Variants in PCDHGA6 observed in about 807,000 individuals in gnomAD.
PCDHGA6 encodes protocadherin gamma subfamily A, 6.
PCDHGA6 carries 41 observed loss-of-function variants against 60.6 expected under a neutral mutation model. The observed-to-expected ratio is 0.68, with a 90% CI of 0.53 to 0.88. The LOEUF is 0.88. PCDHGA6 is among the 40% of genes least tolerant of loss of function. The probability of loss-of-function intolerance (pLI) is 0.00; values close to 1 mark genes in which losing one functional copy is unlikely to be tolerated. For synonymous variants in PCDHGA6, 594 were observed against 524.4 expected, an observed-to-expected ratio of 1.13 and a Z score of -1.81; for missense variants, 1,312 against 1,203.0, an observed-to-expected ratio of 1.09 and a Z score of -1.34.
intron 1 of PCDHGA6, chr5:141,387,672 C>T (rs1222648666): frequency 5.7e-6 from 4 of 707,372 alleles, no homozygotes; most frequent in Non-Finnish European, 9.1e-6. Flanking sequence ...CTCCAGATCT[C>T]CTCGCGCAGC....
Position 141,491,889 on chromosome 5 carries a change from C to T in PCDHGA6, c.2425-2918C>T, listed in dbSNP as rs2099734763. On this transcript the variant is annotated intron_variant, in intron 1 of 3. Transcript: ENST00000517434. The surrounding 1 kb of genome is among the most constrained non-coding windows in gnomAD (Gnocchi z 6.9). ...GAGTGGCCGATTAAGGGATGGGGCT[C>T]CGAGCACCGGGGGTGGTGGCGACTG... 11 of 1,441,360 alleles carry T rather than the reference C, an allele frequency of 7.6e-6. No individual in the cohort carries two copies. Among genetic ancestry groups the T allele is most frequent in the Non-Finnish European group, 1.0e-5 (11 of 1,090,600 alleles). 89.3% of individuals were successfully genotyped at this position (1,441,360 alleles called of 1,614,324 possible).
intron 1 of PCDHGA6, among the ~76,000 whole-genome samples, chr5:141,466,916 GT>G (rs1204028461): frequency 6.6e-6 from 1 of 152,010 alleles, no homozygotes; most frequent in Non-Finnish European, 1.5e-5. Context: ...AAAACTCCTT[GT>G]ATTAGGAATA....
intron 1 of PCDHGA6, chr5:141,395,116 T>C (rs1255512461): frequency 1.9e-6 from 3 of 1,614,216 alleles, no homozygotes; most frequent in Admixed American, 3.3e-5. Context: ...AAGAGTCACC[T>C]GATCTTTCCC....
chr5:141,394,312 C>G (rs903124736), intron 1 of PCDHGA6: 3 of 1,613,908 alleles, frequency 1.9e-6, no homozygotes, highest in African/African-American at 1.3e-5. Context: ...CAGGGGGCGC[C>G]CCTGTCCTCG....
chr5:141,501,897 C>T (rs796164763), intron 2 of PCDHGA6, among the ~76,000 whole-genome samples: 17 of 152,230 alleles, frequency 1.1e-4, no homozygotes, highest in African/African-American at 3.4e-4. Flanking sequence ...ATCATGGTTC[C>T]AACCCCACTG....
In PCDHGA6 at chr5:141,487,186, A is replaced by G; in HGVS notation, c.2425-7621A>G. 4 of 1,613,760 alleles carry G rather than the reference A, an allele frequency of 2.5e-6. No individual in the cohort carries two copies. The highest frequency in any genetic ancestry group is 2.5e-6 in the Non-Finnish European group (3 of 1,179,662). ...TGTCCTTAGAGGAAGACACTCATCC[A>G]GTTGTCCCAGATCTTCGAGAATCTT... is the stretch of plus-strand genomic sequence containing the variant. On this transcript the variant is annotated intron_variant, in intron 1 of 3. Coordinates refer to ENST00000517434, the MANE Select transcript of PCDHGA6 (RefSeq NM_018919.3). This position sits in a 1 kb window ranked among gnomAD's most constrained non-coding sequence, Gnocchi z 5.0.
Position 141,376,288 on chromosome 5 carries a change from G to A in PCDHGA6, c.2205G>A (p.Met735Ile), listed in dbSNP as rs753554580. Reference sequence around the variant, plus strand: ...CTTCGGGAGGTGGCTTAGCGAGCATGCCCGGCTCGCACTTTGTGGGCGTGG... The same window carrying A: ...CTTCGGGAGGTGGCTTAGCGAGCATACCCGGCTCGCACTTTGTGGGCGTGG... ...LQASGGGLASMPGSHFVGVEG... is the reference protein window; with the variant it reads ...LQASGGGLASIPGSHFVGVEG... The change falls in exon 1 of 4, where the codon ATG (methionine) becomes ATA (isoleucine). Residue 735 changes from methionine (M) to isoleucine (I), a missense_variant. Met to Ile is a conservative substitution (Grantham distance 10). Transcript: ENST00000517434. The A allele has an allele frequency of 2.5e-6, 4 of 1,614,216 alleles. No individual in the cohort carries two copies. Among genetic ancestry groups the A allele is most frequent in the South Asian group, 2.2e-5 (2 of 91,086 alleles).
chr5:141,487,029 T>C lies in PCDHGA6; in HGVS notation c.2425-7778T>C. 1.2e-6 allele frequency: 2 copies of C among 1,614,226 alleles called. No individual in the cohort carries two copies. Among genetic ancestry groups the C allele is most frequent in the Non-Finnish European group, 1.7e-6 (2 of 1,180,040 alleles). ...CTGGAGGCCCCAGATCCCAGCCTGT[T>C]TGCAGTCTCTCGATATGCTGGGGAG... is the stretch of plus-strand genomic sequence containing the variant. On this transcript the variant is annotated intron_variant, in intron 1 of 3. Coordinates refer to ENST00000517434, the MANE Select transcript of PCDHGA6 (RefSeq NM_018919.3). The surrounding 1 kb of genome is among the most constrained non-coding windows in gnomAD (Gnocchi z 5.0).
intron 1 of PCDHGA6, chr5:141,388,548 C>A: frequency 6.2e-7 from 1 of 1,613,842 alleles, no homozygotes; most frequent in Non-Finnish European, 8.5e-7. Flanking sequence ...AGCTCCACCC[C>A]TAAGCAGCAC....
chr5:141,374,563 T>G lies in PCDHGA6; in HGVS notation c.480T>G (p.Pro160=). The change falls in exon 1 of 4, where the codon CCT becomes CCG. Residue 160 remains proline (P), a synonymous_variant. Transcript: ENST00000517434. ...SRFPLMEVYD[P]DVGMNSLQGF... ...TTCCACTAATGGAGGTCTATGACCC[T>G]GATGTGGGAATGAACTCCCTTCAGG... 1 of 1,613,710 alleles carries G rather than the reference T, an allele frequency of 6.2e-7. No homozygotes were observed. The highest frequency in any genetic ancestry group is 1.1e-5 in the South Asian group (1 of 91,086).
At chr5:141,394,754 G>T (rs753264235) in intron 1 of PCDHGA6, 2 of 1,613,428 alleles carry the variant, frequency 1.2e-6, no homozygotes, top group Non-Finnish European at 1.7e-6. Context: ...TGGCCGTCCA[G>T]GACCATGGCC....
chr5:141,498,616 G>T (rs1202866176), intron 2 of PCDHGA6, among the ~76,000 whole-genome samples: 1 of 152,138 alleles, frequency 6.6e-6, no homozygotes, highest in East Asian at 1.9e-4. Flanking sequence ...AGTCAGCACT[G>T]GGTCACACTG....
rs750233767 is a variant in PCDHGA6 at position 141,490,877 on chromosome 5, C to A, written c.2425-3930C>A. 1 of 1,613,880 alleles carries A rather than the reference C, an allele frequency of 6.2e-7. No individual in the cohort carries two copies. Among genetic ancestry groups the A allele is most frequent in the Non-Finnish European group, 8.5e-7 (1 of 1,179,900 alleles). On this transcript the variant is annotated intron_variant, in intron 1 of 3. Coordinates refer to ENST00000517434, the MANE Select transcript of PCDHGA6 (RefSeq NM_018919.3). This position sits in a 1 kb window ranked among gnomAD's most constrained non-coding sequence, Gnocchi z 5.4. Reference sequence around the variant, plus strand: ...GACTCCGGCTCTCCCCCATTGCATGCCAACACATCTCTGCATGTGTTTGTC... The same window carrying A: ...GACTCCGGCTCTCCCCCATTGCATGACAACACATCTCTGCATGTGTTTGTC...
chr5:141,426,642 G>T, intron 1 of PCDHGA6: 1 of 411,420 alleles, frequency 2.4e-6, no homozygotes, highest in South Asian at 1.7e-5. Context: ...TCACATAAAT[G>T]TGATGATAGA....
rs1310685846 is a variant in PCDHGA6, at chr5:141,423,037, T to C, written c.2424+46530T>C. ...GGACAAAGATTCAGGCCAGAACGCCTGGCTGTCCTATCGCCTGCTTAAGGC... is the reference window on the plus strand; with the variant it reads ...GGACAAAGATTCAGGCCAGAACGCCCGGCTGTCCTATCGCCTGCTTAAGGC... On this transcript the variant is annotated intron_variant, in intron 1 of 3. Transcript: ENST00000517434. 5 of 1,614,086 alleles carry C rather than the reference T, an allele frequency of 3.1e-6. No homozygotes were observed. In the African/African-American group the frequency reaches 5.3e-5, roughly 17 times the overall value.
chr5:141,392,659 A>T, intron 1 of PCDHGA6: 2 of 788,300 alleles, frequency 2.5e-6, no homozygotes, highest in Non-Finnish European at 3.8e-6. Flanking sequence ...CGCAGATGCC[A>T]CAAACTAACT....
At chr5:141,403,905 A>G in intron 1 of PCDHGA6, 1 of 1,613,894 alleles carries the variant, frequency 6.2e-7, no homozygotes, top group Non-Finnish European at 8.5e-7. Context: ...TATGAAATGG[A>G]AATACAAGCT....
In PCDHGA6 at chr5:141,431,304, T is replaced by G. The variant is rs749116196; in HGVS notation, c.2424+54797T>G. The G allele has an allele frequency of 7.4e-6, 12 of 1,614,104 alleles. No individual in the cohort carries two copies. Among genetic ancestry groups the G allele is most frequent in the Non-Finnish European group, 9.3e-6 (11 of 1,180,030 alleles). On this transcript the variant is annotated intron_variant, in intron 1 of 3. Coordinates refer to ENST00000517434, the MANE Select transcript of PCDHGA6 (RefSeq NM_018919.3). The surrounding 1 kb of genome is among the most constrained non-coding windows in gnomAD (Gnocchi z 4.8). ...CCGAACACTCACTTCTCCCTCATCGTGCAAAATGGAGCCGACGGTAGTAAG... is the reference window on the plus strand; with the variant it reads ...CCGAACACTCACTTCTCCCTCATCGGGCAAAATGGAGCCGACGGTAGTAAG...
In PCDHGA6 at chr5:141,431,675, G is replaced by A. The variant is rs778040824; in HGVS notation, c.2424+55168G>A. Reference sequence around the variant, plus strand: ...TTCAGGGACAATATCAACAATAGGGGAGTTGGACCACGAGGAGTCAGGATT... The same window carrying A: ...TTCAGGGACAATATCAACAATAGGGAAGTTGGACCACGAGGAGTCAGGATT... On this transcript the variant is annotated intron_variant, in intron 1 of 3. Coordinates refer to ENST00000517434, the MANE Select transcript of PCDHGA6 (RefSeq NM_018919.3). The surrounding 1 kb of genome is among the most constrained non-coding windows in gnomAD (Gnocchi z 4.8). 5.6e-6 allele frequency: 9 copies of A among 1,614,230 alleles called. No homozygotes were observed. Among genetic ancestry groups the A allele is most frequent in the Admixed American group, 1.7e-5 (1 of 60,028 alleles).
Sources: allele counts gnomAD v4.1 joint callset (sites outside exome capture counted in the v4.1 genomes callset), GRCh38; gene constraint gnomAD v4.1.1; non-coding constraint Gnocchi (gnomAD v3.1); transcripts MANE v1.5; gene names NCBI Gene and HGNC (gene_info 2026-07-23, HGNC 2026-07-21).